The following WDR88 variants were observed in gnomAD, a reference collection of about 807,000 sequenced individuals.
WDR88 encodes WD repeat-containing protein 88.
Under a neutral mutation model 46.8 loss-of-function variants are expected in WDR88, and 40 were observed. The observed-to-expected ratio is 0.86, with a 90% CI of 0.66 to 1.11. The LOEUF (loss-of-function observed/expected upper bound fraction) is 1.11, where lower values mean the gene tolerates loss of function less well. WDR88 is among the 50% of genes most tolerant of loss of function. The pLI, the probability that WDR88 is intolerant of heterozygous loss-of-function variation, is 0.00. For synonymous variants in WDR88, 235 were observed against 240.7 expected, an observed-to-expected ratio of 0.98 and a Z score of 0.22; for missense variants, 562 against 602.4, an observed-to-expected ratio of 0.93 and a Z score of 0.70.
At chr19:33,160,615 CT>C (rs1973849609) in intron 8 of WDR88, 119 bp downstream of exon 8, 6 of 1,044,310 alleles carry the variant, frequency 5.7e-6, no homozygotes, top group Non-Finnish European at 8.7e-6. Context: ...CCTCTGTGGG[CT>C]GATGAAGGAC....
rs527904385 is a variant in WDR88, at chr19:33,157,061, G to A, written c.997+519G>A. On this transcript the variant is annotated intron_variant, in intron 7 of 10. Transcript: ENST00000355868. ...AAAATTAAAAAATTAGCTGGGTGTGGTGGTGCACACCTGTAGTCTCAGCTC... is the reference window on the plus strand; with the variant it reads ...AAAATTAAAAAATTAGCTGGGTGTGATGGTGCACACCTGTAGTCTCAGCTC... Among the ~76,000 whole-genome samples the A allele has an allele frequency of 1.3e-3, 198 of 152,266 alleles. 1 individual carries two copies. The highest frequency in any genetic ancestry group is 4.2e-3 in the African/African-American group (173 of 41,560).
chr19:33,144,980 AT>A (rs1332424034), intron 3 of WDR88, 48 bp downstream of exon 3: 1 of 1,555,502 alleles, frequency 6.4e-7, no homozygotes, highest in Non-Finnish European at 8.8e-7. Context: ...GTGAGCAGGC[AT>A]GCCATAAATA....
chr19:33,167,012 T>C (rs558630485), intron 9 of WDR88, among the ~76,000 whole-genome samples: 1 of 152,238 alleles, frequency 6.6e-6, no homozygotes, highest in Admixed American at 6.5e-5. Flanking sequence ...TAAAATAGGA[T>C]TGATTAAATA....
intron 9 of WDR88, among the ~76,000 whole-genome samples, chr19:33,166,282 CAAAAAAAAAAAA>C (rs34053341): frequency 2.0e-4 from 11 of 55,558 alleles, no homozygotes; most frequent in Non-Finnish European, 3.2e-4. Context: ...GTTGTGGTCT[CAAAAAAAAAAAA>C]AAAAAAAAAA....
chr19:33,144,629 G>A (rs1973472563), intron 2 of WDR88, among the ~76,000 whole-genome samples: 1 of 152,204 alleles, frequency 6.6e-6, no homozygotes, highest in African/African-American at 2.4e-5. Flanking sequence ...AATTTCCCAT[G>A]GATGCCAGGA....
At chr19:33,138,409 G>A (rs573543528) in intron 2 of WDR88, among the ~76,000 whole-genome samples, 16 of 152,254 alleles carry the variant, frequency 1.1e-4, no homozygotes, top group Non-Finnish European at 1.0e-4. Flanking sequence ...GTGCAATGGC[G>A]TGATCTCAGT....
At chr19:33,134,393 A>T (rs1267939) in intron 1 of WDR88, among the ~76,000 whole-genome samples, 74,674 of 151,822 alleles carry the variant, frequency 0.49, 19,855 homozygotes, top group Non-Finnish European at 0.61. Context: ...GAGTCTCGCC[A>T]TGTTGCCCAG....
At chr19:33,170,328 G>C (rs1260763432) in intron 9 of WDR88, among the ~76,000 whole-genome samples, 1 of 151,936 alleles carries the variant, frequency 6.6e-6, no homozygotes, top group Non-Finnish European at 1.5e-5. Context: ...CAAGGTGCCC[G>C]CGATCATGCC....
rs1227020514 is a variant in WDR88 at position 33,175,728 on chromosome 19, C to T, written c.*156C>T. Reference sequence around the variant, plus strand: ...CTGGCTGGACTCAGCACAGTGCCACCTCCTCAGCTCTCAGCTTGGGGAGTG... The same window carrying T: ...CTGGCTGGACTCAGCACAGTGCCACTTCCTCAGCTCTCAGCTTGGGGAGTG... On this transcript the variant is annotated 3_prime_UTR_variant, in exon 11 of 11. Coordinates refer to ENST00000355868, the MANE Select transcript of WDR88 (RefSeq NM_173479.4). The T allele has an allele frequency of 1.4e-6, 1 of 723,798 alleles. No individual in the cohort carries two copies. Among genetic ancestry groups the T allele is most frequent in the African/African-American group, 1.8e-5 (1 of 56,136 alleles). 44.8% of individuals were successfully genotyped at this position (723,798 alleles called of 1,614,324 possible).
At chr19:33,159,378 A>AAC (rs1973823812) in intron 7 of WDR88, among the ~76,000 whole-genome samples, 1 of 144,020 alleles carries the variant, frequency 6.9e-6, no homozygotes, top group Non-Finnish European at 1.5e-5. Context: ...AAATAAATAA[A>AAC]TAAATAACAA....
intron 1 of WDR88, among the ~76,000 whole-genome samples, chr19:33,134,838 A>ACC (rs1194028560): frequency 3.2e-5 from 2 of 62,338 alleles, no homozygotes; most frequent in African/African-American, 6.4e-5. Flanking sequence ...CACGTCCCCG[A>ACC]CACCCCCCCC....
intron 7 of WDR88, among the ~76,000 whole-genome samples, chr19:33,157,551 G>GTATATA (rs1973764194): frequency 1.6e-5 from 2 of 128,252 alleles, no homozygotes; most frequent in South Asian, 2.2e-4. Flanking sequence ...GTATATATAT[G>GTATATA]TGTATATATA....
At position 33,133,157 on chromosome 19, in the gene WDR88, GAATAAATA is replaced by G. The variant is rs375517673; in HGVS notation, c.276+745_276+752del. On this transcript the variant is annotated intron_variant, in intron 1 of 10. Transcript: ENST00000355868. ...GGGCAACAGAGCGAGACTGTCTCCA[GAATAAATA>G]AATAAATAAATAAATAAATAAATAA... Among the ~76,000 whole-genome samples the G allele has an allele frequency of 5.0e-4, 53 of 105,782 alleles. 1 individual carries two copies. The highest frequency in any genetic ancestry group is 1.2e-3 in the East Asian group (5 of 4,278). The allele number at this position is 105,782 out of a possible 152,430, so 69.4% of individuals were successfully genotyped here.
rs1401252980 is a variant in WDR88 at position 33,146,457 on chromosome 19, TTCCTTCTTTCCTTCC to T, written c.477-1186_477-1172del. On this transcript the variant is annotated intron_variant, in intron 3 of 10. Coordinates refer to ENST00000355868, the MANE Select transcript of WDR88 (RefSeq NM_173479.4). The stretch of plus-strand genomic sequence containing the variant: ...TTTCCTTCCTTCCTTCCTTCCTTCC[TTCCTTCTTTCCTTCC>T]TTCCTTCCTTCCTTCCTTCCTTCCC... Among the ~76,000 whole-genome samples the T allele has an allele frequency of 3.3e-3, 183 of 54,804 alleles. 1 individual carries two copies. Among genetic ancestry groups the T allele is most frequent in the East Asian group, 0.019 (23 of 1,226 alleles). 36.0% of individuals were successfully genotyped at this position (54,804 alleles called of 152,430 possible).
At chr19:33,175,273 G>A in intron 10 of WDR88, 123 bp from the exon 11 acceptor site, 1 of 1,029,414 alleles carries the variant, frequency 9.7e-7, no homozygotes. Flanking sequence ...ACCAAAAAGA[G>A]ATTCCAGAGA....
rs112854679 is a variant in WDR88 at position 33,175,716 on chromosome 19, G to A, written c.*144G>A. Reference sequence around the variant, plus strand: ...AGGACCCAAGCCCTGGCTGGACTCAGCACAGTGCCACCTCCTCAGCTCTCA... The same window carrying A: ...AGGACCCAAGCCCTGGCTGGACTCAACACAGTGCCACCTCCTCAGCTCTCA... On this transcript the variant is annotated 3_prime_UTR_variant, in exon 11 of 11. Coordinates refer to ENST00000355868, the MANE Select transcript of WDR88 (RefSeq NM_173479.4). The A allele has an allele frequency of 0.022, 18,880 of 870,636 alleles. 259 individuals are homozygous for A. The highest frequency in any genetic ancestry group is 0.028 in the Non-Finnish European group (15,763 of 566,292). The allele number at this position is 870,636 out of a possible 1,614,324, so 53.9% of individuals were successfully genotyped here. A position where few individuals can be genotyped will look rare whatever the true frequency, so the allele number is the denominator to read the frequency against.
At chr19:33,155,015 A>G (rs1193091025) in intron 6 of WDR88, among the ~76,000 whole-genome samples, 1 of 152,224 alleles carries the variant, frequency 6.6e-6, no homozygotes, top group East Asian at 1.9e-4. Flanking sequence ...AACTCTGCTT[A>G]CAAGAGGAGG....
intron 1 of WDR88, among the ~76,000 whole-genome samples, chr19:33,135,200 T>A (rs1447869998): frequency 6.6e-6 from 1 of 152,022 alleles, no homozygotes; most frequent in Non-Finnish European, 1.5e-5. Flanking sequence ...ACTCCCCAGT[T>A]CCCCAATACC....
chr19:33,143,260 A>G (rs1179261302), intron 2 of WDR88, among the ~76,000 whole-genome samples: 1 of 147,718 alleles, frequency 6.8e-6, no homozygotes. Flanking sequence ...GCTGGAGCCC[A>G]GGAGGTGGTG....
Sources: gnomAD v4.1 joint callset for allele counts (sites outside exome capture counted in the v4.1 genomes callset) on GRCh38, gnomAD v4.1.1 for gene constraint, MANE v1.5 for transcripts, NCBI Gene and HGNC (gene_info 2026-07-23, HGNC 2026-07-21) for gene names.